Variants in NLGN1 observed in about 807,000 individuals in gnomAD.
The protein encoded by NLGN1 is neuroligin-1.
Under a neutral mutation model 65.5 loss-of-function variants are expected in NLGN1, and 12 were observed. The ratio of observed to expected loss-of-function variants is 0.18; its 90% CI spans 0.12 to 0.30. The LOEUF (loss-of-function observed/expected upper bound fraction) is 0.30. Among genes scored for constraint, NLGN1 ranks in the 10% least tolerant of loss-of-function variants. The pLI is 1.00. For missense variants in NLGN1, 750 were observed against 1,007.1 expected (o/e 0.74, Z 3.46); for synonymous variants, 350 against 359.5 (o/e 0.97, Z 0.30).
At chr3:174,154,992 TTA>T (rs980733864) in intron 4 of NLGN1, among the ~76,000 whole-genome samples, 12 of 121,710 alleles carry the variant, frequency 9.9e-5, no homozygotes, top group South Asian at 2.3e-4. Flanking sequence ...ATATTATATA[TTA>T]TATATATTTA....
intron 4 of NLGN1, among the ~76,000 whole-genome samples, chr3:173,879,640 T>G (rs1024203728): frequency 1.2e-4 from 18 of 145,500 alleles, no homozygotes; most frequent in East Asian, 8.1e-4. Flanking sequence ...TTCTGTGTGT[T>G]TTTTTTTTTA....
chr3:173,950,028 G>T (rs1394875518), intron 4 of NLGN1, among the ~76,000 whole-genome samples: 1 of 152,028 alleles, frequency 6.6e-6, no homozygotes, highest in Non-Finnish European at 1.5e-5. Context: ...CAAACATTGG[G>T]ACCACACGAT....
chr3:173,645,802 C>A (rs998482039), intron 3 of NLGN1, among the ~76,000 whole-genome samples: 9 of 152,150 alleles, frequency 5.9e-5, no homozygotes, highest in African/African-American at 2.2e-4. Context: ...TTTGGAACAC[C>A]CTTTGTCAGA....
At chr3:173,402,808 A>G (rs752215156) in intron 1 of NLGN1, among the ~76,000 whole-genome samples, 2 of 152,130 alleles carry the variant, frequency 1.3e-5, no homozygotes, top group Non-Finnish European at 2.9e-5. Flanking sequence ...ACTATGTCAC[A>G]TTTCACTCTT....
At chr3:173,643,902 A>G (rs932415881) in intron 3 of NLGN1, among the ~76,000 whole-genome samples, 1 of 152,186 alleles carries the variant, frequency 6.6e-6, no homozygotes, top group East Asian at 1.9e-4. Context: ...CTTTCTCTCT[A>G]TTTTAATTAT....
chr3:173,463,933 C>T (rs1055227128), intron 2 of NLGN1, among the ~76,000 whole-genome samples: 13 of 151,666 alleles, frequency 8.6e-5, no homozygotes, highest in Middle Eastern at 3.4e-3. Context: ...TAAATTGATA[C>T]ATAAATATAC....
chr3:174,123,847 C>T (rs954600236), intron 4 of NLGN1, among the ~76,000 whole-genome samples: 2 of 152,126 alleles, frequency 1.3e-5, no homozygotes, highest in African/African-American at 4.8e-5. Context: ...ATCCTATGTA[C>T]TTCAACTGCC....
At chr3:174,086,175 G>GTA (rs921258214) in intron 4 of NLGN1, among the ~76,000 whole-genome samples, 92 of 144,690 alleles carry the variant, frequency 6.4e-4, no homozygotes, top group African/African-American at 2.2e-3. Context: ...ATTTGATGAA[G>GTA]TATATATATG....
At chr3:173,463,851 G>A (rs1723811761) in intron 2 of NLGN1, among the ~76,000 whole-genome samples, 1 of 151,924 alleles carries the variant, frequency 6.6e-6, no homozygotes, top group African/African-American at 2.4e-5. Flanking sequence ...AAATGATTTT[G>A]TTTTTGAAAA....
chr3:173,583,774 A>C (rs79820817), intron 2 of NLGN1, among the ~76,000 whole-genome samples: 1 of 152,034 alleles, frequency 6.6e-6, no homozygotes, highest in Non-Finnish European at 1.5e-5. Flanking sequence ...CTATGTAATG[A>C]CTCTTAGGTC....
intron 4 of NLGN1, among the ~76,000 whole-genome samples, chr3:173,816,877 T>C (rs767247457): frequency 1.3e-5 from 2 of 152,250 alleles, no homozygotes; most frequent in African/African-American, 2.4e-5. Context: ...GTTCATCCAA[T>C]CTAACAAGAG....
At chr3:174,115,871 A>G (rs1312160382) in intron 4 of NLGN1, among the ~76,000 whole-genome samples, 3 of 152,206 alleles carry the variant, frequency 2.0e-5, no homozygotes, top group Non-Finnish European at 4.4e-5. Flanking sequence ...AGTACATGAC[A>G]TGTGACTGTG....
At chr3:173,555,313 C>T (rs1034112529) in intron 2 of NLGN1, among the ~76,000 whole-genome samples, 1 of 152,112 alleles carries the variant, frequency 6.6e-6, no homozygotes, top group African/African-American at 2.4e-5. Flanking sequence ...TAATGTTAAG[C>T]CTCCTTGGAC....
intron 3 of NLGN1, among the ~76,000 whole-genome samples, chr3:173,647,544 C>T (rs1277473658): frequency 6.6e-6 from 1 of 151,992 alleles, no homozygotes; most frequent in Non-Finnish European, 1.5e-5. Context: ...AAGAAAGTCT[C>T]TGGAAAATTC....
chr3:173,586,429 C>T (rs74768323), intron 2 of NLGN1, among the ~76,000 whole-genome samples: 1,958 of 152,190 alleles, frequency 0.013, 47 homozygotes, highest in East Asian at 0.11. Flanking sequence ...ATACATGCGA[C>T]GTTCTGACTA....
chr3:173,778,169 A>C (rs927996080), intron 3 of NLGN1, among the ~76,000 whole-genome samples: 1 of 151,864 alleles, frequency 6.6e-6, no homozygotes, highest in Non-Finnish European at 1.5e-5. Context: ...TTTTAAAAAA[A>C]ACCTGTTTTT....
chr3:174,161,100 T>C (rs1443086359), intron 4 of NLGN1, among the ~76,000 whole-genome samples: 1 of 151,884 alleles, frequency 6.6e-6, no homozygotes, highest in African/African-American at 2.4e-5. Flanking sequence ...TTTAAACAAC[T>C]TAATAATATA....
At chr3:174,231,536 G>A (rs571598300) in intron 4 of NLGN1, among the ~76,000 whole-genome samples, 55 of 152,260 alleles carry the variant, frequency 3.6e-4, no homozygotes, top group African/African-American at 1.3e-3. Context: ...TATTAAGCTA[G>A]GGTACTGCTT....
chr3:174,052,060 C>T (rs757666968), intron 4 of NLGN1, among the ~76,000 whole-genome samples: 17 of 152,002 alleles, frequency 1.1e-4, no homozygotes, highest in Admixed American at 4.6e-4. Flanking sequence ...TCACAAAATC[C>T]AAGTGATTCT....
Sources: gnomAD v4.1 joint callset for allele counts (sites outside exome capture counted in the v4.1 genomes callset) on GRCh38, gnomAD v4.1.1 for gene constraint, MANE v1.5 for transcripts, NCBI Gene and HGNC (gene_info 2026-07-23, HGNC 2026-07-21) for gene names.